The following CHD7 variants were observed in gnomAD, a reference collection of about 807,000 sequenced individuals.
CHD7 encodes chromodomain helicase DNA binding protein 7.
In CHD7, 24 loss-of-function variants were observed where a neutral mutation model predicts 307.3. The ratio of observed to expected loss-of-function variants is 0.08; its 90% CI spans 0.06 to 0.11. CHD7 has a LOEUF of 0.11. Ranked by LOEUF, CHD7 falls within the 10% of genes least tolerant of loss-of-function variation. The probability of loss-of-function intolerance (pLI) is 1.00; values close to 1 mark genes in which losing one functional copy is unlikely to be tolerated. For missense variants in CHD7, 3,106 were observed against 3,727.1 expected (o/e 0.83, Z 4.34); for synonymous variants, 1,363 against 1,349.9 (o/e 1.01, Z -0.21).
In CHD7 at chr8:60,865,298, G is replaced by A. The variant is rs541570788; in HGVS notation, c.8359G>A (p.Gly2787Ser). The change falls in exon 38 of 38, where the codon GGC becomes AGC. Residue 2787 changes from glycine (G) to serine (S), a missense_variant. By Grantham distance (56) the Gly-to-Ser change is moderately conservative. Coordinates refer to ENST00000423902, the MANE Select transcript of CHD7 (RefSeq NM_017780.4). The surrounding 1 kb of genome is among the most constrained non-coding windows in gnomAD (Gnocchi z 4.3). Reference protein sequence around the residue: ...PGLATAATAGGDAKNPAAVLP... With the variant: ...PGLATAATAGSDAKNPAAVLP... ...ACTGGCAACAGCTGCCACCGCCGGA[G>A]GCGATGCGAAGAACCCTGCTGCTGT... The A allele has an allele frequency of 2.5e-6, 4 of 1,610,684 alleles. No homozygotes were observed. The East Asian group carries it at 8.9e-5, about 36-fold the overall frequency.
intron 2 of CHD7, among the ~76,000 whole-genome samples, chr8:60,756,287 T>A (rs1414913224): frequency 6.6e-6 from 1 of 152,228 alleles, no homozygotes; most frequent in Admixed American, 6.5e-5. Flanking sequence ...ACCATGGGTA[T>A]CTCGTGTCTT....
chr8:60,777,977 A>G (rs979995729), intron 2 of CHD7, among the ~76,000 whole-genome samples: 5 of 151,934 alleles, frequency 3.3e-5, no homozygotes, highest in South Asian at 4.1e-4. Context: ...AATGCCCTAC[A>G]TGGTAATATC....
At chr8:60,696,594 G>A (rs1458284969) in intron 1 of CHD7, among the ~76,000 whole-genome samples, 1 of 151,364 alleles carries the variant, frequency 6.6e-6, no homozygotes, top group Non-Finnish European at 1.5e-5. Context: ...CACAACTAAT[G>A]TTAATTATTT....
chr8:60,842,072 T>C lies in CHD7; in HGVS notation c.4850+20T>C, dbSNP rs1323344193. On this transcript the variant is annotated intron_variant, in intron 21 of 37. Coordinates refer to ENST00000423902, the MANE Select transcript of CHD7 (RefSeq NM_017780.4). ...CTATGGGTAAGTAGGACTCACTACG[T>C]AAGATAGAATTTTATTGTAACAGTA... is the stretch of plus-strand genomic sequence containing the variant. The C allele has an allele frequency of 6.4e-7, 1 of 1,569,242 alleles. No individual in the cohort carries two copies. Among genetic ancestry groups the C allele is most frequent in the South Asian group, 1.2e-5 (1 of 86,892 alleles).
At chr8:60,720,783 TG>T (rs1807860577) in intron 1 of CHD7, among the ~76,000 whole-genome samples, 1 of 147,884 alleles carries the variant, frequency 6.8e-6, no homozygotes, top group Non-Finnish European at 1.5e-5. Flanking sequence ...TTTCCTCTAA[TG>T]GGGGTAACAA....
At chr8:60,825,065 G>T (rs946353181) in intron 13 of CHD7, 2 of 152,140 alleles carry the variant, frequency 1.3e-5, no homozygotes, top group African/African-American at 4.8e-5. Flanking sequence ...TACAAAAAGG[G>T]TTTCAAAGTA....
In CHD7 at chr8:60,848,496, C is replaced by T. The variant is rs371367716; in HGVS notation, c.5211-19C>T. 1.3e-6 allele frequency: 2 copies of T among 1,594,998 alleles called. No individual in the cohort carries two copies. Among genetic ancestry groups the T allele is most frequent in the African/African-American group, 1.3e-5 (1 of 74,590 alleles). On this transcript the variant is annotated intron_variant, in intron 23 of 37. Transcript: ENST00000423902. The stretch of plus-strand genomic sequence containing the variant: ...TCCTGAAGTTAAGAACTTTTTCCCC[C>T]CTCTGTCTTCCTCTCCAGGGTCCTG...
chr8:60,824,032 G>A lies in CHD7; in HGVS notation c.3378+16G>A, dbSNP rs771299507. On this transcript the variant is annotated intron_variant, in intron 13 of 37. Coordinates refer to ENST00000423902, the MANE Select transcript of CHD7 (RefSeq NM_017780.4). ...GATGGACTTGGTCAGTGACCATATT[G>A]GTGATTGCACTGAACCTGAATAGAA... 1.7e-5 allele frequency: 27 copies of A among 1,607,358 alleles called. No homozygotes were observed. Among genetic ancestry groups the A allele is most frequent in the Non-Finnish European group, 2.1e-5 (25 of 1,174,886 alleles).
At chr8:60,713,099 T>A in intron 1 of CHD7, among the ~76,000 whole-genome samples, 1 of 145,580 alleles carries the variant, frequency 6.9e-6, no homozygotes, top group Non-Finnish European at 1.5e-5. Context: ...GCTATAGAGA[T>A]TTTTGTGGAC....
intron 1 of CHD7, among the ~76,000 whole-genome samples, chr8:60,697,845 C>T (rs193131831): frequency 8.1e-4 from 124 of 152,332 alleles, no homozygotes; most frequent in Non-Finnish European, 1.5e-3. Flanking sequence ...CGTGGTGCCA[C>T]CTCTGATCTT....
intron 12 of CHD7, among the ~76,000 whole-genome samples, chr8:60,823,278 A>T (rs1234139802): frequency 1.3e-5 from 2 of 152,144 alleles, no homozygotes; most frequent in African/African-American, 4.8e-5. Context: ...TCAACAGTGA[A>T]GTGTTATAAA....
rs1286928379 is a variant in CHD7, at chr8:60,678,961, C to T, written c.-296C>T. ...GAAACTCACCAGAGACCCGTTCGCC[C>T]CCGGCCAACTCCGTGCCCGTGGATT... On this transcript the variant is annotated 5_prime_UTR_variant, in exon 1 of 38. Coordinates refer to ENST00000423902, the MANE Select transcript of CHD7 (RefSeq NM_017780.4). The T allele has an allele frequency of 6.6e-6, 1 of 151,986 alleles. No homozygotes were observed. Among genetic ancestry groups the T allele is most frequent in the Non-Finnish European group, 1.5e-5 (1 of 68,074 alleles). The allele number at this position is 151,986 out of a possible 1,614,324, so 9.4% of individuals were successfully genotyped here.
rs1218562133 is a variant in CHD7, at chr8:60,689,549, C to T, written c.-175+10467C>T. On this transcript the variant is annotated intron_variant, in intron 1 of 37. Coordinates refer to ENST00000423902, the MANE Select transcript of CHD7 (RefSeq NM_017780.4). ...ATTTAACAGCCTGTAGCATTAACTG[C>T]TCTGCAGAAATTGCTTTGGATAGTC... Among the ~76,000 whole-genome samples the T allele has an allele frequency of 2.0e-5, 3 of 152,220 alleles. No individual in the cohort carries two copies. The East Asian group carries it at 5.8e-4, about 29-fold the overall frequency.
chr8:60,698,772 C>T (rs1217557767), intron 1 of CHD7, among the ~76,000 whole-genome samples: 2 of 152,136 alleles, frequency 1.3e-5, no homozygotes, highest in Non-Finnish European at 2.9e-5. Context: ...CTTGACTTTT[C>T]TTCTCTTCTC....
At chr8:60,789,198 G>A (rs752570706) in intron 3 of CHD7, among the ~76,000 whole-genome samples, 3 of 152,144 alleles carry the variant, frequency 2.0e-5, no homozygotes, top group Non-Finnish European at 4.4e-5. Flanking sequence ...TCATTTTAGA[G>A]TTGTATTTTG....
chr8:60,765,058 A>G (rs1810399502), intron 2 of CHD7, among the ~76,000 whole-genome samples: 1 of 152,198 alleles, frequency 6.6e-6, no homozygotes, highest in Non-Finnish European at 1.5e-5. Flanking sequence ...AAGAGCAGAG[A>G]GCACATGAGC....
chr8:60,818,333 G>A (rs747891901), intron 8 of CHD7, among the ~76,000 whole-genome samples: 2 of 152,130 alleles, frequency 1.3e-5, no homozygotes, highest in African/African-American at 4.8e-5. Context: ...GTGTGATGCC[G>A]CAGATTACTC....
intron 1 of CHD7, among the ~76,000 whole-genome samples, chr8:60,724,822 A>C (rs1244435524): frequency 1.3e-5 from 2 of 152,252 alleles, no homozygotes; most frequent in African/African-American, 2.4e-5. Context: ...AAGGCCAATA[A>C]AAACTTAAAG....
intron 2 of CHD7, among the ~76,000 whole-genome samples, chr8:60,751,279 T>G (rs1809629130): frequency 6.6e-6 from 1 of 152,224 alleles, no homozygotes; most frequent in Non-Finnish European, 1.5e-5. Flanking sequence ...GCCTTCATTT[T>G]TATTAATATG....
Sources: gnomAD v4.1 joint callset for allele counts (sites outside exome capture counted in the v4.1 genomes callset) on GRCh38, gnomAD v4.1.1 for gene constraint, Gnocchi (gnomAD v3.1) non-coding constraint, MANE v1.5 for transcripts, NCBI Gene and HGNC (gene_info 2026-07-23, HGNC 2026-07-21) for gene names.